ATG7: variants seen among roughly 807,000 people sequenced by gnomAD.
The protein encoded by ATG7 is ubiquitin-like modifier-activating enzyme ATG7.
In ATG7, 70 loss-of-function variants were observed where a neutral mutation model predicts 82.4. The ratio of observed to expected loss-of-function variants is 0.85; its 90% CI spans 0.70 to 1.04. The LOEUF (loss-of-function observed/expected upper bound fraction) is 1.04, where lower values mean the gene tolerates loss of function less well. Among genes scored for constraint, ATG7 ranks in the 50% least tolerant of loss-of-function variants. The pLI is 0.00. For missense variants in ATG7, 792 were observed against 864.3 expected, an observed-to-expected ratio of 0.92 and a Z score of 1.05; for synonymous variants, 287 against 313.0, an observed-to-expected ratio of 0.92 and a Z score of 0.88.
chr3:11,564,966 C>T, the ATG7 span: 1 of 1,545,468 alleles, frequency 6.5e-7, no homozygotes, highest in Non-Finnish European at 8.7e-7. Context: ...CTCGATGGGG[C>T]TGCGGCTCCG....
intron 19 of ATG7, among the ~76,000 whole-genome samples, chr3:11,419,902 AAG>A (rs2081778074): frequency 6.6e-6 from 1 of 152,166 alleles, no homozygotes; most frequent in African/African-American, 2.4e-5. Context: ...TTTCTACTAA[AAG>A]AGTCATTATT....
chr3:11,324,753 T>G (rs1305270808), intron 9 of ATG7, among the ~76,000 whole-genome samples: 2 of 152,204 alleles, frequency 1.3e-5, no homozygotes, highest in Admixed American at 1.3e-4. Context: ...AATATTCTAG[T>G]TTATATAATT....
intron 20 of ATG7, among the ~76,000 whole-genome samples, chr3:11,551,956 C>T (rs999269631): frequency 3.3e-5 from 5 of 152,014 alleles, no homozygotes; most frequent in African/African-American, 9.7e-5. Context: ...ACCATGTTGG[C>T]CAGGCTGGTC....
chr3:11,484,996 A>G (rs1279486432), intron 20 of ATG7, among the ~76,000 whole-genome samples: 6 of 152,198 alleles, frequency 3.9e-5, no homozygotes, highest in African/African-American at 7.2e-5. Context: ...TAGTGCCGCA[A>G]TAAACATACG....
intron 19 of ATG7, among the ~76,000 whole-genome samples, chr3:11,382,889 T>C (rs143012827): frequency 0.01 from 1,579 of 152,288 alleles, 30 homozygotes; most frequent in African/African-American, 0.036. Flanking sequence ...TTGTTAACAT[T>C]TTGCCCCACG....
intron 19 of ATG7, among the ~76,000 whole-genome samples, chr3:11,424,434 G>A (rs1016585548): frequency 1.3e-5 from 2 of 151,866 alleles, no homozygotes; most frequent in African/African-American, 2.4e-5. Context: ...AGCTGTAATT[G>A]TGCCATTGCA....
chr3:11,342,775 A>G (rs1009364656), intron 13 of ATG7, among the ~76,000 whole-genome samples: 10 of 151,014 alleles, frequency 6.6e-5, no homozygotes, highest in African/African-American at 1.5e-4. Context: ...ATTTTTTTCT[A>G]TTAGATACTG....
chr3:11,285,367 G>T (rs1189029560), intron 3 of ATG7, among the ~76,000 whole-genome samples: 3 of 150,968 alleles, frequency 2.0e-5, no homozygotes, highest in African/African-American at 7.3e-5. Context: ...GTAGAGATGG[G>T]GGCCCACCGT....
intron 9 of ATG7, 69 bp from the exon 10 acceptor site, chr3:11,331,271 A>G: frequency 8.1e-7 from 1 of 1,234,798 alleles, no homozygotes; most frequent in Non-Finnish European, 1.2e-6. Flanking sequence ...AAGAGGAAGT[A>G]TGAGCAATGT....
At chr3:11,478,199 ATT>A (rs1039252965) in intron 20 of ATG7, among the ~76,000 whole-genome samples, 8 of 152,210 alleles carry the variant, frequency 5.3e-5, no homozygotes, top group South Asian at 2.1e-4. Flanking sequence ...CATGGTGATT[ATT>A]TTCAAAAATG....
downstream of ATG7, chr3:11,558,940 C>T (rs1025245157): frequency 7.3e-5 from 96 of 1,313,588 alleles, no homozygotes; most frequent in Non-Finnish European, 9.2e-5. Flanking sequence ...CCACGGTCAG[C>T]GTGGGCTCTG....
chr3:11,491,025 C>G lies in ATG7; in HGVS notation c.2080-63786C>G, dbSNP rs555122695. On this transcript the variant is annotated intron_variant, in intron 20 of 20. Coordinates refer to ENST00000693202, the MANE Select transcript of ATG7 (RefSeq NM_001349232.2). ...TGAATCTGAATGTTGGCCTACCTTGCTAGATTGGGGAATTTCTCCTGAATA... is the reference window on the plus strand; with the variant it reads ...TGAATCTGAATGTTGGCCTACCTTGGTAGATTGGGGAATTTCTCCTGAATA... Among the ~76,000 whole-genome samples, 6 of 152,288 alleles carry G rather than the reference C, an allele frequency of 3.9e-5. No individual in the cohort carries two copies. In the East Asian group the frequency reaches 1.2e-3, roughly 29 times the overall value.
intron 1 of ATG7, among the ~76,000 whole-genome samples, chr3:11,276,297 G>A (rs1321317339): frequency 6.6e-6 from 1 of 152,202 alleles, no homozygotes; most frequent in African/African-American, 2.4e-5. Flanking sequence ...AAGAAATGGT[G>A]TTTTAAGACT....
the ATG7 span, among the ~76,000 whole-genome samples, chr3:11,566,690 C>A: frequency 6.6e-6 from 1 of 152,186 alleles, no homozygotes; most frequent in Non-Finnish European, 1.5e-5. Flanking sequence ...CCCTCCTCCC[C>A]GTCCTGCGCT....
intron 20 of ATG7, among the ~76,000 whole-genome samples, chr3:11,526,317 G>A (rs2092577659): frequency 6.6e-6 from 1 of 152,134 alleles, no homozygotes; most frequent in Non-Finnish European, 1.5e-5. Context: ...CTTGAGCCCA[G>A]GGAGGCCGAG....
chr3:11,572,683 T>C, the ATG7 span, among the ~76,000 whole-genome samples: 4 of 152,192 alleles, frequency 2.6e-5, no homozygotes, highest in Non-Finnish European at 5.9e-5. Flanking sequence ...GCACACTGTA[T>C]GTCTTGTTGT....
chr3:11,322,662 A>G (rs1330881965), intron 9 of ATG7, among the ~76,000 whole-genome samples: 1 of 152,212 alleles, frequency 6.6e-6, no homozygotes, highest in Non-Finnish European at 1.5e-5. Context: ...ATTTTTACCA[A>G]GGTTTTGACA....
intron 20 of ATG7, among the ~76,000 whole-genome samples, chr3:11,458,321 C>T (rs1482983399): frequency 3.3e-5 from 5 of 152,034 alleles, no homozygotes; most frequent in Admixed American, 6.5e-5. Context: ...TGGAGTGCAG[C>T]GGCACCATCT....
chr3:11,482,083 C>A (rs2089055611), intron 20 of ATG7, among the ~76,000 whole-genome samples: 1 of 152,212 alleles, frequency 6.6e-6, no homozygotes, highest in African/African-American at 2.4e-5. Context: ...TAAGAATCCT[C>A]TTCTCTCTCT....
Sources: allele counts gnomAD v4.1 joint callset (sites outside exome capture counted in the v4.1 genomes callset), GRCh38; gene constraint gnomAD v4.1.1; transcripts MANE v1.5; gene names NCBI Gene and HGNC (gene_info 2026-07-23, HGNC 2026-07-21).